ASCC3: variants seen among roughly 807,000 people sequenced by gnomAD.
The protein encoded by ASCC3 is ASC-1 complex subunit P200.
ASCC3 carries 158 observed loss-of-function variants against 256.3 expected under a neutral mutation model. That is an observed-to-expected ratio of 0.62 (90% confidence interval 0.54 to 0.70). ASCC3 has a LOEUF of 0.70. Among genes scored for constraint, ASCC3 ranks in the 30% least tolerant of loss-of-function variants. The pLI is 0.00. For synonymous variants in ASCC3, 948 were observed against 883.4 expected (o/e 1.07, Z -1.30); for missense variants, 2,259 against 2,626.0 (o/e 0.86, Z 3.05).
intron 14 of ASCC3, among the ~76,000 whole-genome samples, 179 bp from the exon 15 acceptor site, chr6:100,662,715 TAAAA>T (rs1582655238): frequency 1.3e-5 from 2 of 152,000 alleles, no homozygotes. Context: ...TTACCTATCT[TAAAA>T]AATAGGTAAT....
intron 14 of ASCC3, among the ~76,000 whole-genome samples, chr6:100,677,995 T>C (rs892226195): frequency 6.6e-6 from 1 of 152,084 alleles, no homozygotes; most frequent in Non-Finnish European, 1.5e-5. Context: ...TAATATGCTC[T>C]AGAATATTTC....
chr6:100,863,138 G>C (rs796276871), intron 3 of ASCC3, among the ~76,000 whole-genome samples: 4 of 152,298 alleles, frequency 2.6e-5, no homozygotes, highest in African/African-American at 4.8e-5. Flanking sequence ...AACTATAATA[G>C]TGTTAATTAT....
intron 13 of ASCC3, among the ~76,000 whole-genome samples, chr6:100,687,347 A>T (rs1777625541): frequency 6.6e-6 from 1 of 151,952 alleles, no homozygotes; most frequent in Non-Finnish European, 1.5e-5. Flanking sequence ...CCATTGAAGC[A>T]AATCTTTAAT....
chr6:100,837,869 A>C (rs935294704), intron 4 of ASCC3, among the ~76,000 whole-genome samples: 35 of 152,092 alleles, frequency 2.3e-4, no homozygotes, highest in Admixed American at 6.5e-5. Flanking sequence ...ATTTCAAAAA[A>C]GCTGGAAAAG....
At chr6:100,517,135 G>A (rs1235042987) in intron 38 of ASCC3, among the ~76,000 whole-genome samples, 1 of 152,000 alleles carries the variant, frequency 6.6e-6, no homozygotes, top group African/African-American at 2.4e-5. Context: ...AAGAACCCAA[G>A]TACTATGGAG....
intron 4 of ASCC3, among the ~76,000 whole-genome samples, chr6:100,810,628 AT>A (rs1397815302): frequency 6.6e-6 from 1 of 152,184 alleles, no homozygotes; most frequent in East Asian, 1.9e-4. Context: ...TATTGTCTAT[AT>A]ACAAAATCTC....
chr6:100,841,127 C>T (rs1378268924), intron 4 of ASCC3, among the ~76,000 whole-genome samples: 2 of 152,102 alleles, frequency 1.3e-5, no homozygotes, highest in African/African-American at 4.8e-5. Flanking sequence ...CTTTTGCTTG[C>T]ATCTTCTCCT....
At chr6:100,564,088 A>G (rs977866343) in intron 36 of ASCC3, among the ~76,000 whole-genome samples, 1 of 151,242 alleles carries the variant, frequency 6.6e-6, no homozygotes, top group African/African-American at 2.4e-5. Context: ...TTTCACTATA[A>G]TGTTTTTATT....
Position 100,724,837 on chromosome 6 carries a change from C to T in ASCC3, c.1902+702G>A, listed in dbSNP as rs574528563. ...AAGAGGGTCACATTAGGGACACAGA[C>T]GAAAAGCTGCTTAGAAGTTACAGGG... On this transcript the variant is annotated intron_variant, in intron 11 of 41. Transcript: ENST00000369162. 2.2e-4 allele frequency among the ~76,000 whole-genome samples: 33 copies of T among 151,984 alleles called. No homozygotes were observed. In the South Asian group the frequency reaches 5.8e-3, roughly 27 times the overall value.
chr6:100,531,650 C>T (rs188258400), intron 37 of ASCC3, among the ~76,000 whole-genome samples: 3 of 151,770 alleles, frequency 2.0e-5, no homozygotes, highest in East Asian at 3.9e-4. Context: ...GAATAACCAA[C>T]GTGAAAAATT....
intron 4 of ASCC3, among the ~76,000 whole-genome samples, chr6:100,844,743 C>T (rs1026016777): frequency 6.6e-6 from 1 of 151,946 alleles, no homozygotes; most frequent in East Asian, 1.9e-4. Context: ...AAGAAAGTAA[C>T]ATAGAGGCTC....
chr6:100,675,576 T>A (rs558949916), intron 14 of ASCC3, among the ~76,000 whole-genome samples: 1 of 152,318 alleles, frequency 6.6e-6, no homozygotes, highest in Admixed American at 6.5e-5. Flanking sequence ...GATTGACAGA[T>A]CTACATAATA....
intron 34 of ASCC3, among the ~76,000 whole-genome samples, chr6:100,594,056 G>C (rs1191371915): frequency 6.6e-6 from 1 of 152,000 alleles, no homozygotes; most frequent in Non-Finnish European, 1.5e-5. Flanking sequence ...GACATATAGT[G>C]ACCAACTCAG....
chr6:100,596,013 T>C (rs904570091), intron 34 of ASCC3, among the ~76,000 whole-genome samples: 16 of 152,188 alleles, frequency 1.1e-4, no homozygotes, highest in Non-Finnish European at 2.2e-4. Context: ...TAAATATTCC[T>C]TAGAATTGTG....
intron 30 of ASCC3, among the ~76,000 whole-genome samples, chr6:100,608,072 A>G (rs1189118343): frequency 9.9e-6 from 1 of 101,268 alleles, no homozygotes; most frequent in African/African-American, 4.0e-5. Flanking sequence ...ATATATATAC[A>G]TATATATGTA....
At chr6:100,589,794 G>A (rs1023044684) in intron 35 of ASCC3, 26 bp from the exon 36 acceptor site, 2 of 1,612,932 alleles carry the variant, frequency 1.2e-6, no homozygotes, top group Admixed American at 3.3e-5. Context: ...AACAAATGAA[G>A]AGTACGATGA....
At chr6:100,849,372 G>C (rs1178176680) in intron 3 of ASCC3, among the ~76,000 whole-genome samples, 1 of 151,956 alleles carries the variant, frequency 6.6e-6, no homozygotes, top group Non-Finnish European at 1.5e-5. Flanking sequence ...CCAAAGTAAG[G>C]TACAGAAAAC....
In ASCC3 at chr6:100,864,209, C is replaced by T. The variant is rs1773370235; in HGVS notation, c.96G>A (p.Lys32=). Residue 32 remains lysine (K), a synonymous_variant, in exon 3 of 42, where the codon AAG becomes AAA. Coordinates refer to ENST00000369162, the MANE Select transcript of ASCC3 (RefSeq NM_006828.4). ...AAACTTGTTCATGAAGTTTAGATCG[C>T]TTTATCTGAAACAGAGATTATAATG... ...YNEEVADLKI[K]RSKLHEQVLD... is the part of the protein sequence containing the mutation. 4 of 1,600,228 alleles carry T rather than the reference C, an allele frequency of 2.5e-6. No individual in the cohort carries two copies. The highest frequency in any genetic ancestry group is 4.5e-5 in the East Asian group (2 of 44,692).
At chr6:100,734,799 C>T (rs1029291803) in intron 10 of ASCC3, among the ~76,000 whole-genome samples, 3 of 152,178 alleles carry the variant, frequency 2.0e-5, no homozygotes, top group Non-Finnish European at 4.4e-5. Flanking sequence ...AGTGTCTACA[C>T]TGGCTTAATT....
Sources: allele counts gnomAD v4.1 joint callset (sites outside exome capture counted in the v4.1 genomes callset), GRCh38; gene constraint gnomAD v4.1.1; transcripts MANE v1.5; gene names NCBI Gene and HGNC (gene_info 2026-07-23, HGNC 2026-07-21).